The following KIAA1217 variants were observed in gnomAD, a reference collection of about 807,000 sequenced individuals.
The protein encoded by KIAA1217 is KIAA1217.
In KIAA1217, 88 loss-of-function variants were observed where a neutral mutation model predicts 163.9. The observed-to-expected ratio is 0.54, with a 90% confidence interval of 0.45 to 0.64. KIAA1217 has a LOEUF of 0.64. KIAA1217 is among the 30% of genes least tolerant of loss of function. The pLI is 0.00. For missense variants in KIAA1217, 2,372 were observed against 2,475.0 expected (o/e 0.96, Z 0.88); for synonymous variants, 903 against 923.1 (o/e 0.98, Z 0.39).
intron 1 of KIAA1217, among the ~76,000 whole-genome samples, chr10:23,895,024 A>T (rs147113045): frequency 0.02 from 2,978 of 152,262 alleles, 104 homozygotes; most frequent in African/African-American, 0.065. Flanking sequence ...GTTGGACCTA[A>T]AACCATAAAA....
chr10:23,813,766 C>T (rs561778004), intron 1 of KIAA1217, among the ~76,000 whole-genome samples: 40 of 152,252 alleles, frequency 2.6e-4, no homozygotes, highest in Admixed American at 4.6e-4. Flanking sequence ...TAACTGGGTC[C>T]AAGACCATAA....
At chr10:24,355,723 T>C (rs1229965166) in intron 2 of KIAA1217, among the ~76,000 whole-genome samples, 1 of 125,742 alleles carries the variant, frequency 8.0e-6, no homozygotes, top group Non-Finnish European at 1.6e-5. Context: ...TAGCAAGTCC[T>C]CACTCTTTTT....
At chr10:24,041,400 T>A (rs1230263566) in intron 2 of KIAA1217, among the ~76,000 whole-genome samples, 1 of 152,212 alleles carries the variant, frequency 6.6e-6, no homozygotes, top group Non-Finnish European at 1.5e-5. Flanking sequence ...GATTTTTACA[T>A]CATGACTATT....
intron 2 of KIAA1217, among the ~76,000 whole-genome samples, chr10:24,293,375 A>G (rs912849016): frequency 9.9e-5 from 15 of 152,166 alleles, no homozygotes; most frequent in African/African-American, 3.6e-4. Flanking sequence ...CTGGCTGGGA[A>G]GTCTTTTTTA....
At chr10:24,453,899 C>T (rs11014094) in intron 5 of KIAA1217, among the ~76,000 whole-genome samples, 16,620 of 151,978 alleles carry the variant, frequency 0.11, 1,015 homozygotes, top group Non-Finnish European at 0.14. Flanking sequence ...TTAAAACTGA[C>T]TTAAAGAAAA....
chr10:23,896,953 G>C (rs867019842), intron 1 of KIAA1217, among the ~76,000 whole-genome samples: 1 of 151,924 alleles, frequency 6.6e-6, no homozygotes, highest in Non-Finnish European at 1.5e-5. Context: ...TGAGATATTG[G>C]CTGGCTTCTC....
chr10:23,835,789 G>A (rs1171873486), intron 1 of KIAA1217, among the ~76,000 whole-genome samples: 2 of 151,994 alleles, frequency 1.3e-5, no homozygotes, highest in African/African-American at 4.8e-5. Flanking sequence ...CGGTGAAATT[G>A]ATGTCTCATC....
chr10:23,983,061 G>A (rs1845836722), intron 1 of KIAA1217, among the ~76,000 whole-genome samples: 1 of 151,814 alleles, frequency 6.6e-6, no homozygotes, highest in Non-Finnish European at 1.5e-5. Context: ...AGTGAACCAG[G>A]GCATGTTCTA....
chr10:24,394,061 T>C (rs575643880), intron 3 of KIAA1217, among the ~76,000 whole-genome samples: 2 of 152,364 alleles, frequency 1.3e-5, no homozygotes, highest in African/African-American at 2.4e-5. Context: ...GCACATCAGC[T>C]TGGTTTCTTA....
intron 3 of KIAA1217, among the ~76,000 whole-genome samples, chr10:24,406,488 T>A (rs376543394): frequency 6.6e-6 from 1 of 152,148 alleles, no homozygotes; most frequent in Admixed American, 6.5e-5. Context: ...GTTGCACATG[T>A]TTGTTGACAG....
rs147240730 is a variant in KIAA1217, at chr10:24,472,006, T to G, written c.847-1222T>G. Among the ~76,000 whole-genome samples the G allele has an allele frequency of 2.8e-4, 43 of 152,068 alleles. 1 individual carries two copies. In the East Asian group the frequency reaches 7.3e-3, roughly 26 times the overall value. ...ATGACTTGAATGGTCGATTAACGCA[T>G]AGCTTGAATGTTATATATATTATAT... On this transcript the variant is annotated intron_variant, in intron 5 of 20. Coordinates refer to ENST00000376454, the MANE Select transcript of KIAA1217 (RefSeq NM_019590.5).
chr10:24,201,704 C>T (rs560064269), intron 2 of KIAA1217, among the ~76,000 whole-genome samples: 2 of 152,286 alleles, frequency 1.3e-5, no homozygotes, highest in Middle Eastern at 3.4e-3. Flanking sequence ...CCTCTGCTTC[C>T]GCCCCACCTT....
intron 2 of KIAA1217, among the ~76,000 whole-genome samples, chr10:24,054,350 G>A (rs1028616374): frequency 6.6e-5 from 10 of 152,196 alleles, no homozygotes; most frequent in Non-Finnish European, 1.0e-4. Flanking sequence ...CAGTATATGA[G>A]TGCTATTTAA....
Position 24,190,447 on chromosome 10 carries a change from C to G in KIAA1217, c.-170-29179C>G, listed in dbSNP as rs191226548. Among the ~76,000 whole-genome samples the G allele has an allele frequency of 1.7e-3, 263 of 152,296 alleles. 1 individual carries two copies. The highest frequency in any genetic ancestry group is 6.1e-3 in the African/African-American group (253 of 41,568). ...CCCAAACAGCTTATTCTATGTGAGG[C>G]GCTGAACCCAAGCCTCCCTTGACTC... is the stretch of plus-strand genomic sequence containing the variant. On this transcript the variant is annotated intron_variant, in intron 2 of 18. Transcript: ENST00000376462.
intron 2 of KIAA1217, among the ~76,000 whole-genome samples, chr10:24,378,066 C>T (rs543037894): frequency 6.6e-6 from 1 of 152,094 alleles, no homozygotes; most frequent in South Asian, 2.1e-4. Context: ...AATACAGATT[C>T]GCTTTATTTT....
chr10:24,251,689 A>T (rs1479920804), intron 2 of KIAA1217, among the ~76,000 whole-genome samples: 1 of 151,880 alleles, frequency 6.6e-6, no homozygotes, highest in Non-Finnish European at 1.5e-5. Flanking sequence ...GTAAATAGGG[A>T]CCCTAATCTG....
At chr10:24,120,683 T>A (rs2063248197) in intron 2 of KIAA1217, among the ~76,000 whole-genome samples, 1 of 152,200 alleles carries the variant, frequency 6.6e-6, no homozygotes, top group Non-Finnish European at 1.5e-5. Flanking sequence ...TTCCACCTGC[T>A]AAATGAGAAT....
intron 3 of KIAA1217, among the ~76,000 whole-genome samples, chr10:24,382,132 A>G (rs1010894858): frequency 9.9e-5 from 15 of 151,920 alleles, no homozygotes; most frequent in Admixed American, 9.2e-4. Context: ...CTCTCTGTCA[A>G]GGGGGCAGAT....
At chr10:24,403,769 C>T (rs894238810) in intron 3 of KIAA1217, among the ~76,000 whole-genome samples, 52 of 152,112 alleles carry the variant, frequency 3.4e-4, no homozygotes, top group Admixed American at 3.4e-3. Context: ...CATCATTAGC[C>T]TTTAGAAAAA....
Sources: allele counts gnomAD v4.1 joint callset (sites outside exome capture counted in the v4.1 genomes callset), GRCh38; gene constraint gnomAD v4.1.1; transcripts MANE v1.5; gene names NCBI Gene and HGNC (gene_info 2026-07-23, HGNC 2026-07-21).